The following ZFHX3 variants were observed in gnomAD, a reference collection of about 807,000 sequenced individuals.
The protein encoded by ZFHX3 is zinc finger homeobox 3.
Under a neutral mutation model 279.1 loss-of-function variants are expected in ZFHX3, and 42 were observed. The observed-to-expected ratio is 0.15, with a 90% CI of 0.12 to 0.19. The LOEUF (loss-of-function observed/expected upper bound fraction) is 0.19. Ranked by LOEUF, ZFHX3 falls within the 10% of genes least tolerant of loss-of-function variation. The pLI is 1.00. For synonymous variants in ZFHX3, 2,293 were observed against 1,957.8 expected (o/e 1.17, Z -4.52); for missense variants, 4,981 against 4,754.0 (o/e 1.05, Z -1.40).
At chr16:73,667,579 A>G (rs540119760) in intron 2 of ZFHX3, among the ~76,000 whole-genome samples, 1 of 152,334 alleles carries the variant, frequency 6.6e-6, no homozygotes, top group East Asian at 1.9e-4. Context: ...CAAGATAAAG[A>G]CCTGCTAAGT....
chr16:73,506,819 T>C (rs966159617), intron 2 of ZFHX3, among the ~76,000 whole-genome samples: 4 of 152,160 alleles, frequency 2.6e-5, no homozygotes, highest in East Asian at 1.9e-4. Flanking sequence ...TATTTCCCCA[T>C]AGTAACGGCA....
intron 3 of ZFHX3, among the ~76,000 whole-genome samples, chr16:73,381,304 G>C (rs566048535): frequency 4.6e-5 from 7 of 151,956 alleles, no homozygotes; most frequent in Non-Finnish European, 1.0e-4. Flanking sequence ...TTTTGGAAAC[G>C]GTTAAAAATA....
intron 1 of ZFHX3, among the ~76,000 whole-genome samples, chr16:73,821,877 A>G (rs932900591): frequency 6.6e-6 from 1 of 152,170 alleles, no homozygotes; most frequent in Non-Finnish European, 1.5e-5. Flanking sequence ...CACCACTCAC[A>G]TGCTCCTGAG....
chr16:73,611,538 C>G (rs2052246495), intron 2 of ZFHX3, among the ~76,000 whole-genome samples: 1 of 152,038 alleles, frequency 6.6e-6, no homozygotes. Context: ...TAAAATTAAA[C>G]TAGATGAATC....
At chr16:73,624,628 G>T (rs528703965) in intron 2 of ZFHX3, among the ~76,000 whole-genome samples, 1 of 136,926 alleles carries the variant, frequency 7.3e-6, no homozygotes, top group Non-Finnish European at 1.6e-5. Flanking sequence ...AGATAATAAA[G>T]AATCTATCCC....
intron 5 of ZFHX3, among the ~76,000 whole-genome samples, chr16:73,199,887 A>C (rs1229072526): frequency 1.3e-5 from 2 of 152,250 alleles, no homozygotes. Flanking sequence ...AGAGTTTTAT[A>C]GATTGGCAGT....
rs1482455164 is a variant in ZFHX3 at position 72,795,609 on chromosome 16, T to C, written c.7073A>G (p.Glu2358Gly). 6.2e-7 allele frequency: 1 copy of C among 1,613,676 alleles called. No homozygotes were observed. The highest frequency in any genetic ancestry group is 2.2e-5 in the East Asian group (1 of 44,862). The change falls in exon 9 of 10, where the codon GAG becomes GGG. Residue 2358 changes from glutamate to glycine, a missense_variant. Around this residue, in one of 7 missense-constraint regions of ZFHX3, gnomAD observed 744 missense variants for 701.3 expected, o/e 1.06. Transcript: ENST00000268489. ...CTCATTTTGGCTGTCGTCCTGCCCCTCCTCATCCTCATCCTTGTAACACAG... is the reference window on the plus strand; with the variant it reads ...CTCATTTTGGCTGTCGTCCTGCCCCCCCTCATCCTCATCCTTGTAACACAG... ...KKLCYKDEDE[E>G]GQDDSQNEDS... is the part of the protein sequence containing the mutation.
intron 1 of ZFHX3, among the ~76,000 whole-genome samples, chr16:73,860,502 A>C (rs1961853695): frequency 6.6e-6 from 1 of 152,122 alleles, no homozygotes; most frequent in Non-Finnish European, 1.5e-5. Context: ...CTGTAAAGAA[A>C]ATGACTTTGG....
chr16:72,795,539 G>C lies in ZFHX3; in HGVS notation c.7143C>G (p.Ser2381=). ...AMEILTPTSS[S]CSTPMPSQAY... is the part of the protein sequence containing the mutation. Reference sequence around the variant, plus strand: ...CCTGTGAGGGCATCGGGGTACTGCAGGATGAGCTGGTAGGCGTCAGGATTT... The same window carrying C: ...CCTGTGAGGGCATCGGGGTACTGCACGATGAGCTGGTAGGCGTCAGGATTT... The change falls in exon 9 of 10, where the codon TCC becomes TCG. Residue 2381 remains serine, a synonymous_variant. Transcript: ENST00000268489. 2 of 1,614,158 alleles carry C rather than the reference G, an allele frequency of 1.2e-6. No homozygotes were observed. The highest frequency in any genetic ancestry group is 1.1e-5 in the South Asian group (1 of 91,076).
chr16:72,856,360 G>A (rs771066811), intron 4 of ZFHX3, among the ~76,000 whole-genome samples: 9 of 152,222 alleles, frequency 5.9e-5, no homozygotes, highest in Non-Finnish European at 8.8e-5. Context: ...AAAGTGTCAT[G>A]CAAGACCTGG....
chr16:73,665,618 T>C (rs1211218368), intron 2 of ZFHX3, among the ~76,000 whole-genome samples: 1 of 151,738 alleles, frequency 6.6e-6, no homozygotes, highest in Non-Finnish European at 1.5e-5. Flanking sequence ...GATATGGCAG[T>C]GGGATTGTGA....
In ZFHX3 at chr16:73,127,716, T is replaced by C. The variant is rs938605896; in HGVS notation, c.-897+3252A>G. The C allele has an allele frequency of 5.5e-6, 5 of 901,348 alleles. No individual in the cohort carries two copies. The East Asian group carries it at 3.2e-4, about 57-fold the overall frequency. 55.8% of individuals were successfully genotyped at this position (901,348 alleles called of 1,614,324 possible). On this transcript the variant is annotated intron_variant, in intron 7 of 17. Coordinates refer to the ZFHX3 transcript ENST00000641206. ...CCTGAACCTCACTCAGTAAGGGCTG[T>C]TGAAACTAATGGCTGCAGAGAAAGT...
chr16:72,796,697 G>A lies in ZFHX3; in HGVS notation c.5985C>T (p.Ile1995=). Reference sequence around the variant, plus strand: ...GCTCTTGATGACTCTTTAAAATCAAGATGTTGGAAAACAACTTGCCGCAGG... The same window carrying A: ...GCTCTTGATGACTCTTTAAAATCAAAATGTTGGAAAACAACTTGCCGCAGG... ...CDSCGKLFSN[I]LILKSHQEHV... is the part of the protein sequence containing the mutation. The change falls in exon 9 of 10, where the codon ATC becomes ATT. Residue 1995 remains isoleucine (I), a synonymous_variant. Transcript: ENST00000268489. The A allele has an allele frequency of 6.2e-7, 1 of 1,613,956 alleles. No individual in the cohort carries two copies. Among genetic ancestry groups the A allele is most frequent in the Non-Finnish European group, 8.5e-7 (1 of 1,180,012 alleles).
At chr16:73,217,508 C>T (rs1364591885) in intron 5 of ZFHX3, among the ~76,000 whole-genome samples, 1 of 152,156 alleles carries the variant, frequency 6.6e-6, no homozygotes, top group Non-Finnish European at 1.5e-5. Flanking sequence ...CCTGGCTTAA[C>T]TTTTAAATTA....
At chr16:72,981,417 C>T (rs1251103002) in intron 1 of ZFHX3, among the ~76,000 whole-genome samples, 1 of 152,110 alleles carries the variant, frequency 6.6e-6, no homozygotes, top group Non-Finnish European at 1.5e-5. Context: ...AATATACATC[C>T]GTTGAATTAA....
chr16:73,642,413 G>A (rs2052582075), intron 2 of ZFHX3, among the ~76,000 whole-genome samples: 1 of 152,118 alleles, frequency 6.6e-6, no homozygotes, highest in African/African-American at 2.4e-5. Context: ...ATATTGACAT[G>A]CTCAGTGACC....
chr16:73,849,983 T>C (rs1961554513), intron 1 of ZFHX3, among the ~76,000 whole-genome samples: 1 of 152,216 alleles, frequency 6.6e-6, no homozygotes, highest in Non-Finnish European at 1.5e-5. Context: ...TCCACTCACT[T>C]TGGCCTCCCA....
At position 73,236,499 on chromosome 16, in the gene ZFHX3, G is replaced by A. The variant is rs1482286849; in HGVS notation, c.-1104+20548C>T. On this transcript the variant is annotated intron_variant, in intron 5 of 17. Coordinates refer to the ZFHX3 transcript ENST00000641206. ...CAGCTACTTGCGGGGCTGAAGCACG[G>A]GAATTGCTGAATTGCTTGAGCCTGA... Among the ~76,000 whole-genome samples, 4 of 152,234 alleles carry A rather than the reference G, an allele frequency of 2.6e-5. No individual in the cohort carries two copies. The East Asian group carries it at 5.8e-4, about 22-fold the overall frequency.
intron 2 of ZFHX3, among the ~76,000 whole-genome samples, chr16:73,540,272 G>C (rs1597374706): frequency 6.6e-6 from 1 of 152,184 alleles, no homozygotes; most frequent in African/African-American, 2.4e-5. Flanking sequence ...TAGATGAGTA[G>C]AAATGAAACA....
Sources: gnomAD v4.1 joint callset for allele counts (sites outside exome capture counted in the v4.1 genomes callset) on GRCh38, gnomAD v4.1.1 for gene constraint, gnomAD v4.1.1 regional missense constraint, MANE v1.5 for transcripts, NCBI Gene and HGNC (gene_info 2026-07-23, HGNC 2026-07-21) for gene names.